Variants in MAP4K1 observed in about 807,000 individuals in gnomAD.
MAP4K1 encodes the protein MAPK/ERK kinase kinase kinase 1.
Under a neutral mutation model 122.8 loss-of-function variants are expected in MAP4K1, and 35 were observed. The ratio of observed to expected loss-of-function variants is 0.29; its 90% CI spans 0.22 to 0.38. The LOEUF (loss-of-function observed/expected upper bound fraction) is 0.38, where lower values mean the gene tolerates loss of function less well. MAP4K1 is among the 10% of genes least tolerant of loss of function. The probability of loss-of-function intolerance (pLI) is 1.00; values close to 1 mark genes in which losing one functional copy is unlikely to be tolerated. For missense variants in MAP4K1, 791 were observed against 1,072.6 expected (o/e 0.74, Z 3.67); for synonymous variants, 412 against 421.3 (o/e 0.98, Z 0.27).
chr19:38,606,909 G>A (rs1390728814), intron 16 of MAP4K1, among the ~76,000 whole-genome samples: 1 of 152,160 alleles, frequency 6.6e-6, no homozygotes, highest in Non-Finnish European at 1.5e-5. Context: ...GATGGAGCCT[G>A]ACTCGGCCTG....
At chr19:38,602,870 G>GTA (rs1321230048) in intron 19 of MAP4K1, among the ~76,000 whole-genome samples, 4 of 96,978 alleles carry the variant, frequency 4.1e-5, no homozygotes, top group Non-Finnish European at 4.3e-5. Flanking sequence ...ATATACACAT[G>GTA]TACATATATA....
intron 7 of MAP4K1, 33 bp downstream of exon 7, chr19:38,614,010 C>T: frequency 6.2e-7 from 1 of 1,611,628 alleles, no homozygotes; most frequent in South Asian, 1.1e-5. Flanking sequence ...GCCCCCCAGT[C>T]AGCCCCCCTG....
In MAP4K1 at chr19:38,597,674, C is replaced by G. The variant is rs1974932006; in HGVS notation, c.1670-80G>C. Reference sequence around the variant, plus strand: ...ACTTCCTTTCCTCCATCCCTTCCCTCAGCCCCATCCCTTTGTCTGAAACTC... The same window carrying G: ...ACTTCCTTTCCTCCATCCCTTCCCTGAGCCCCATCCCTTTGTCTGAAACTC... On this transcript the variant is annotated intron_variant, in intron 22 of 30. Coordinates refer to ENST00000396857, the MANE Select transcript of MAP4K1 (RefSeq NM_001042600.3). The surrounding 1 kb of genome is among the most constrained non-coding windows in gnomAD (Gnocchi z 4.6). 1.1e-6 allele frequency: 1 copy of G among 899,566 alleles called. No individual in the cohort carries two copies. The highest frequency in any genetic ancestry group is 2.6e-5 in the East Asian group (1 of 38,338). 55.7% of individuals were successfully genotyped at this position (899,566 alleles called of 1,614,324 possible).
chr19:38,596,515 A>AT, intron 25 of MAP4K1, 29 bp from the exon 26 acceptor site: 1 of 1,503,120 alleles, frequency 6.7e-7, no homozygotes, highest in Non-Finnish European at 8.9e-7. Context: ...GGGGCGGGCT[A>AT]GGGGGTGGTT....
chr19:38,605,438 G>T lies in MAP4K1; in HGVS notation c.1417C>A (p.Pro473Thr), dbSNP rs780499092. 3.1e-6 allele frequency: 5 copies of T among 1,601,546 alleles called. No homozygotes were observed. The South Asian group carries it at 4.5e-5, about 14-fold the overall frequency. Residue 473 changes from proline to threonine, a missense_variant, in exon 19 of 31, where the codon CCC becomes ACC. Pro to Thr is a conservative substitution (Grantham distance 38). This residue lies in a region of MAP4K1 where 303 missense variants were observed against 344.8 expected (regional missense o/e 0.88). Coordinates refer to ENST00000396857, the MANE Select transcript of MAP4K1 (RefSeq NM_001042600.3). ...SRELDKPPLL[P>T]PKKEKMKRKG... ...CTCTTCATCTTTTCCTTCTTGGGGG[G>T]CAGAAGTGGGGGCTTGTCAAGCTCC...
Position 38,596,379 on chromosome 19 carries a change from C to G in MAP4K1, c.2049G>C (p.Gly683=). The change falls in exon 26 of 31, where the codon GGG becomes GGC. Residue 683 remains glycine (G), a synonymous_variant. Coordinates refer to ENST00000396857, the MANE Select transcript of MAP4K1 (RefSeq NM_001042600.3). ...VCIGVSPGRP[G]KSVLFHTVRF... The stretch of plus-strand genomic sequence containing the variant: ...GCACCGTGTGGAAGAGCACCGACTT[C>G]CCCGGCCGCCCGGGGCTCACGCCGA... 6.3e-7 allele frequency: 1 copy of G among 1,598,984 alleles called. No homozygotes were observed. Among genetic ancestry groups the G allele is most frequent in the Non-Finnish European group, 8.5e-7 (1 of 1,175,648 alleles).
chr19:38,616,220 A>G lies in MAP4K1; in HGVS notation c.288T>C (p.Ala96=), dbSNP rs771271189. 1.5e-5 allele frequency: 25 copies of G among 1,613,636 alleles called. No individual in the cohort carries two copies. Among genetic ancestry groups the G allele is most frequent in the Non-Finnish European group, 1.7e-6 (2 of 1,179,918 alleles). Residue 96 remains alanine, a synonymous_variant, in exon 4 of 31, where the codon GCT becomes GCC. Coordinates refer to ENST00000396857, the MANE Select transcript of MAP4K1 (RefSeq NM_001042600.3). ...KLWICMEFCG[A]GSLQDIYQVT... ...CTTGGTAGATGTCCTGGAGAGAACC[A>G]GCCCCACAGAATTCCATGCAGATCC... is the stretch of plus-strand genomic sequence containing the variant.
chr19:38,603,307 CAT>C (rs1416309370), intron 19 of MAP4K1, among the ~76,000 whole-genome samples: 3 of 150,094 alleles, frequency 2.0e-5, no homozygotes, highest in African/African-American at 4.9e-5. Context: ...TACATGTATA[CAT>C]ATATACACAT....
At chr19:38,611,645 C>T (rs1332843609) in intron 9 of MAP4K1, among the ~76,000 whole-genome samples, 2 of 151,734 alleles carry the variant, frequency 1.3e-5, no homozygotes, top group Non-Finnish European at 2.9e-5. Context: ...CTGGGTGTGG[C>T]AATATGGGTC....
chr19:38,607,815 G>T (rs1975373783), intron 16 of MAP4K1, 49 bp downstream of exon 16: 1 of 1,592,916 alleles, frequency 6.3e-7, no homozygotes, highest in East Asian at 2.3e-5. Context: ...TTGTAGGAAG[G>T]TGGGGGCTGA....
At chr19:38,605,935 C>G (rs1367475642) in intron 17 of MAP4K1, among the ~76,000 whole-genome samples, 2 of 151,762 alleles carry the variant, frequency 1.3e-5, no homozygotes, top group African/African-American at 2.4e-5. Flanking sequence ...TGGGTTAATG[C>G]TGGATATATA....
At chr19:38,589,277 T>C in intron 30 of MAP4K1, 1 of 259,462 alleles carries the variant, frequency 3.9e-6, no homozygotes, top group Non-Finnish European at 7.9e-6. Flanking sequence ...CACTCCAGCC[T>C]GGGGGACAGA....
chr19:38,599,290 G>A (rs1974988973), intron 22 of MAP4K1, among the ~76,000 whole-genome samples: 1 of 144,450 alleles, frequency 6.9e-6, no homozygotes, highest in South Asian at 2.2e-4. Flanking sequence ...AGAGGTTGCA[G>A]TTAGCCAAGA....
intron 19 of MAP4K1, among the ~76,000 whole-genome samples, chr19:38,602,237 G>A (rs10408718): frequency 0.066 from 10,030 of 151,886 alleles, 719 homozygotes; most frequent in East Asian, 0.28. Context: ...CACCACGCCT[G>A]GCTAATTTTT....
Position 38,597,013 on chromosome 19 carries a change from G to C in MAP4K1, c.1941+21C>G, listed in dbSNP as rs1974910573. 1 of 1,610,766 alleles carries C rather than the reference G, an allele frequency of 6.2e-7. No individual in the cohort carries two copies. The highest frequency in any genetic ancestry group is 8.5e-7 in the Non-Finnish European group (1 of 1,176,994). On this transcript the variant is annotated intron_variant, in intron 25 of 30. Coordinates refer to ENST00000396857, the MANE Select transcript of MAP4K1 (RefSeq NM_001042600.3). This position sits in a 1 kb window ranked among gnomAD's most constrained non-coding sequence, Gnocchi z 4.6. ...AGCCACCCACTCCTCAGAGTTCCCA[G>C]CACCCTCCCAAGCCCCTTACCCGGA...
At chr19:38,606,440 T>C (rs1189833910) in intron 16 of MAP4K1, among the ~76,000 whole-genome samples, 1 of 152,154 alleles carries the variant, frequency 6.6e-6, no homozygotes, top group Non-Finnish European at 1.5e-5. Flanking sequence ...CAGGATGGCT[T>C]GAGCCCAGGA....
At chr19:38,614,361 A>C (rs1599720886) in intron 5 of MAP4K1, 29 bp downstream of exon 5, 1 of 1,612,106 alleles carries the variant, frequency 6.2e-7, no homozygotes, top group Non-Finnish European at 8.5e-7. Context: ...CTCCCCTCCC[A>C]TCCCCAGAAT....
In MAP4K1 at chr19:38,587,811, T is replaced by C; in HGVS notation, c.2403A>G (p.Val801=). 6.2e-7 allele frequency: 1 copy of C among 1,613,140 alleles called. No individual in the cohort carries two copies. Among genetic ancestry groups the C allele is most frequent in the Non-Finnish European group, 8.5e-7 (1 of 1,179,068 alleles). The change falls in exon 31 of 31, where the codon GTA becomes GTG. Residue 801 remains valine (V), a synonymous_variant. Transcript: ENST00000396857. ...TFRLLGSPRP[V]VVETRPVDDP... is the part of the protein sequence containing the mutation. ...CATCCACTGGGCGTGTCTCCACCAC[T>C]ACAGGCCTGTGGAAGGAAGAGATAA...
chr19:38,608,828 A>AAAAAC (rs1555811720), intron 13 of MAP4K1, among the ~76,000 whole-genome samples: 6 of 137,244 alleles, frequency 4.4e-5, no homozygotes, highest in South Asian at 2.6e-4. Context: ...AAAAAAAAAA[A>AAAAAC]ACATTAGCCA....
Sources: allele counts gnomAD v4.1 joint callset (sites outside exome capture counted in the v4.1 genomes callset), GRCh38; gene constraint gnomAD v4.1.1; regional missense constraint gnomAD v4.1.1; non-coding constraint Gnocchi (gnomAD v3.1); transcripts MANE v1.5; gene names NCBI Gene and HGNC (gene_info 2026-07-23, HGNC 2026-07-21).